The following DPYD variants were observed in gnomAD, a reference collection of about 807,000 sequenced individuals.
The protein encoded by DPYD is dihydropyrimidine dehydrogenase, also known as dihydropyrimidine dehydrogenase [NADP(+)].
A neutral mutation model predicts 116.2 loss-of-function variants in DPYD; 109 were observed. That is an observed-to-expected ratio of 0.94 (90% CI 0.80 to 1.10). The LOEUF is 1.10. DPYD is among the 50% of genes least tolerant of loss of function. The pLI, the probability that DPYD is intolerant of heterozygous loss-of-function variation, is 0.00. For missense variants in DPYD, 1,302 were observed against 1,254.5 expected, an observed-to-expected ratio of 1.04 and a Z score of -0.57; for synonymous variants, 440 against 432.0, an observed-to-expected ratio of 1.02 and a Z score of -0.23.
At chr1:97,242,124 G>GTATA (rs71590220) in intron 18 of DPYD, among the ~76,000 whole-genome samples, 960 of 35,508 alleles carry the variant, frequency 0.027, 33 homozygotes, top group Non-Finnish European at 0.036. Flanking sequence ...GTGTGCGTGT[G>GTATA]TATATATATA....
chr1:97,253,679 A>T (rs1452667137), intron 18 of DPYD, among the ~76,000 whole-genome samples: 2 of 152,126 alleles, frequency 1.3e-5, no homozygotes, highest in Middle Eastern at 3.2e-3. Context: ...CAAATTCTTA[A>T]AATACTCCTT....
chr1:97,492,234 T>C lies in DPYD; in HGVS notation c.1740+23492A>G, dbSNP rs114419798. Reference sequence around the variant, plus strand: ...GGAATGATTGCAGATCAAGGCATTTTGATATAATGTAATTTTTTAAGTAGC... The same window carrying C: ...GGAATGATTGCAGATCAAGGCATTTCGATATAATGTAATTTTTTAAGTAGC... On this transcript the variant is annotated intron_variant, in intron 13 of 22. Coordinates refer to ENST00000370192, the MANE Select transcript of DPYD (RefSeq NM_000110.4). 1.8e-3 allele frequency among the ~76,000 whole-genome samples: 277 copies of C among 152,270 alleles called. 1 individual carries two copies. The highest frequency in any genetic ancestry group is 6.2e-3 in the African/African-American group (259 of 41,578).
intron 5 of DPYD, among the ~76,000 whole-genome samples, chr1:97,704,168 T>C (rs897120337): frequency 2.0e-5 from 3 of 152,086 alleles, no homozygotes; most frequent in Admixed American, 2.0e-4. Flanking sequence ...GATTATTTCA[T>C]ATATACACAA....
intron 8 of DPYD, among the ~76,000 whole-genome samples, chr1:97,658,425 T>G (rs1323251874): frequency 6.6e-6 from 1 of 152,198 alleles, no homozygotes; most frequent in African/African-American, 2.4e-5. Flanking sequence ...TTTGATTATA[T>G]GTACATAGGG....
chr1:97,635,766 T>C (rs941583314), intron 8 of DPYD, among the ~76,000 whole-genome samples: 1 of 152,112 alleles, frequency 6.6e-6, no homozygotes, highest in African/African-American at 2.4e-5. Context: ...GTTGAAGAAA[T>C]TGTCCCGTCC....
chr1:97,389,696 CTT>C (rs1368299383), intron 14 of DPYD, among the ~76,000 whole-genome samples: 1 of 151,906 alleles, frequency 6.6e-6, no homozygotes, highest in East Asian at 1.9e-4. Context: ...ATTAATACAA[CTT>C]AAGAAAATGT....
intron 3 of DPYD, among the ~76,000 whole-genome samples, chr1:97,807,568 T>A (rs1160767215): frequency 1.3e-5 from 2 of 152,126 alleles, no homozygotes; most frequent in South Asian, 2.1e-4. Context: ...TTTCATAAAA[T>A]TTTTAACCAG....
intron 20 of DPYD, among the ~76,000 whole-genome samples, chr1:97,147,297 T>C (rs1031191435): frequency 6.6e-6 from 1 of 152,116 alleles, no homozygotes; most frequent in African/African-American, 2.4e-5. Flanking sequence ...TGCAGTGAGC[T>C]GAGATCGCGC....
intron 2 of DPYD, among the ~76,000 whole-genome samples, chr1:97,844,551 A>G (rs1175715176): frequency 1.3e-5 from 2 of 152,184 alleles, no homozygotes; most frequent in Non-Finnish European, 2.9e-5. Flanking sequence ...GTCAGTGAAC[A>G]TGTGGAGGTG....
intron 18 of DPYD, among the ~76,000 whole-genome samples, chr1:97,255,125 A>G (rs1158152266): frequency 2.0e-5 from 3 of 152,182 alleles, no homozygotes; most frequent in Non-Finnish European, 4.4e-5. Flanking sequence ...GTGTTTCTGC[A>G]AAGATAATAT....
intron 12 of DPYD, among the ~76,000 whole-genome samples, chr1:97,534,380 T>G (rs1245399672): frequency 6.6e-6 from 1 of 152,114 alleles, no homozygotes; most frequent in Admixed American, 6.5e-5. Context: ...AGGAACTTAC[T>G]TATGTGTTCT....
intron 20 of DPYD, among the ~76,000 whole-genome samples, chr1:97,124,423 A>G (rs1157649904): frequency 6.6e-6 from 1 of 152,142 alleles, no homozygotes; most frequent in Admixed American, 6.6e-5. Context: ...GAGTAATTTT[A>G]AAAACATGGA....
At chr1:97,554,379 G>A (rs1359631741) in intron 11 of DPYD, among the ~76,000 whole-genome samples, 2 of 151,934 alleles carry the variant, frequency 1.3e-5, no homozygotes, top group Non-Finnish European at 2.9e-5. Context: ...TAATGAAGAA[G>A]GATTATTAGT....
Position 97,326,867 on chromosome 1 carries a change from T to C in DPYD, c.2059-20570A>G, listed in dbSNP as rs554495507. 1.2e-3 allele frequency among the ~76,000 whole-genome samples: 180 copies of C among 152,086 alleles called. 1 individual carries two copies. Among genetic ancestry groups the C allele is most frequent in the Non-Finnish European group, 2.0e-3 (136 of 67,906 alleles). On this transcript the variant is annotated intron_variant, in intron 16 of 22. Coordinates refer to ENST00000370192, the MANE Select transcript of DPYD (RefSeq NM_000110.4). ...TTACATAAAATACGTATAAAACAAA[T>C]ATAGCAATTAATTATCATTTTACAG...
intron 22 of DPYD, among the ~76,000 whole-genome samples, chr1:97,081,378 TTAG>T (rs1649136778): frequency 6.6e-6 from 1 of 152,034 alleles, no homozygotes; most frequent in African/African-American, 2.4e-5. Context: ...TTTTAATAGT[TTAG>T]TAGTTTTCCA....
intron 14 of DPYD, among the ~76,000 whole-genome samples, chr1:97,402,009 C>T (rs976755549): frequency 2.0e-5 from 3 of 152,238 alleles, no homozygotes; most frequent in Admixed American, 6.5e-5. Flanking sequence ...CAATATTACA[C>T]TGTCAGATTA....
At chr1:97,691,663 G>C in intron 7 of DPYD, 54 bp downstream of exon 7, 1 of 1,419,346 alleles carries the variant, frequency 7.0e-7, no homozygotes, top group Non-Finnish European at 1.0e-6. Flanking sequence ...CTTTAGTGTA[G>C]AGCTTACTCC....
chr1:97,478,874 C>T (rs1375293552), intron 13 of DPYD, among the ~76,000 whole-genome samples: 1 of 152,196 alleles, frequency 6.6e-6, no homozygotes, highest in African/African-American at 2.4e-5. Context: ...GCACTTGCTG[C>T]TTCGCCTTGT....
intron 4 of DPYD, among the ~76,000 whole-genome samples, chr1:97,723,053 C>A (rs769757748): frequency 5.9e-5 from 9 of 151,428 alleles, no homozygotes; most frequent in Non-Finnish European, 1.3e-4. Context: ...TTAATAATAG[C>A]ACCAGAATAC....
Sources: allele counts gnomAD v4.1 joint callset (sites outside exome capture counted in the v4.1 genomes callset), GRCh38; gene constraint gnomAD v4.1.1; transcripts MANE v1.5; gene names NCBI Gene and HGNC (gene_info 2026-07-23, HGNC 2026-07-21).